PCBP3: variants seen among roughly 807,000 people sequenced by gnomAD.
The protein encoded by PCBP3 is poly(rC)-binding protein 3.
In PCBP3, 25 loss-of-function variants were observed where a neutral mutation model predicts 52.7. That is an observed-to-expected ratio of 0.47 (90% CI 0.35 to 0.66). PCBP3 has a LOEUF of 0.66. PCBP3 is among the 30% of genes least tolerant of loss of function. PCBP3 has a pLI of 0.01. For missense variants in PCBP3, 391 were observed against 490.3 expected (o/e 0.80, Z 1.91); for synonymous variants, 162 against 183.0 (o/e 0.89, Z 0.93).
intron 5 of PCBP3, among the ~76,000 whole-genome samples, chr21:45,889,488 C>T (rs906065560): frequency 6.6e-6 from 1 of 152,228 alleles, no homozygotes; most frequent in Non-Finnish European, 1.5e-5. Flanking sequence ...CCACCTTGGG[C>T]AGACAGCAAC....
At chr21:45,925,131 G>A (rs1455718074) in intron 13 of PCBP3, among the ~76,000 whole-genome samples, 11 of 122,456 alleles carry the variant, frequency 9.0e-5, no homozygotes, top group Admixed American at 3.2e-4. Flanking sequence ...ACGTAAGATC[G>A]GGTGTGCGTG....
At chr21:45,799,356 A>G (rs1388711497) in intron 4 of PCBP3, among the ~76,000 whole-genome samples, 1 of 152,218 alleles carries the variant, frequency 6.6e-6, no homozygotes, top group Non-Finnish European at 1.5e-5. Flanking sequence ...CCCATGGTAC[A>G]GTATAGTGAG....
intron 5 of PCBP3, among the ~76,000 whole-genome samples, chr21:45,852,431 CCCT>C: frequency 1.6e-5 from 1 of 62,134 alleles, no homozygotes; most frequent in African/African-American, 6.8e-5. Context: ...CCTGCAGCCA[CCCT>C]GACTTCTGTT....
In PCBP3 at chr21:45,718,897, G is replaced by C. The variant is rs570196301; in HGVS notation, c.-199-16495G>C. 3.3e-5 allele frequency among the ~76,000 whole-genome samples: 5 copies of C among 152,300 alleles called. No homozygotes were observed. In the South Asian group the frequency reaches 1.0e-3, roughly 32 times the overall value. On this transcript the variant is annotated intron_variant, in intron 2 of 17. Transcript: ENST00000681687. ...GATGAATGGCTTCTAAATGTCACAA[G>C]GGGATAAAAGCATAAGACTGGCCAA...
Position 45,899,627 on chromosome 21 carries a change from T to G in PCBP3, c.189+5T>G. On this transcript the variant is annotated splice_donor_5th_base_variant and intron_variant, in intron 7 of 17. Coordinates refer to ENST00000681687, the MANE Select transcript of PCBP3 (RefSeq NM_001384156.1). Reference sequence around the variant, plus strand: ...GTTGGAAGCATCATCGGGAAGGTAATTATTGATTGAATCTCTGCCTCTCCT... The same window carrying G: ...GTTGGAAGCATCATCGGGAAGGTAAGTATTGATTGAATCTCTGCCTCTCCT... 1 of 1,607,144 alleles carries G rather than the reference T, an allele frequency of 6.2e-7. No individual in the cohort carries two copies. Among genetic ancestry groups the G allele is most frequent in the African/African-American group, 1.3e-5 (1 of 74,842 alleles).
rs73376685 is a variant in PCBP3, at chr21:45,698,632, G to A, written c.-200+29680G>A. Among the ~76,000 whole-genome samples the A allele has an allele frequency of 4.9e-3, 749 of 152,372 alleles. 7 individuals are homozygous for A. The highest frequency in any genetic ancestry group is 0.017 in the African/African-American group (687 of 41,584). On this transcript the variant is annotated intron_variant, in intron 2 of 17. Coordinates refer to ENST00000681687, the MANE Select transcript of PCBP3 (RefSeq NM_001384156.1). ...TCCAGAAGAGCTCTTGGCCAGGAAT[G>A]TGGGAGCCAAAAGGCTGATTAGCTC...
At chr21:45,935,391 G>A in intron 16 of PCBP3, 86 bp downstream of exon 16, 1 of 942,210 alleles carries the variant, frequency 1.1e-6, no homozygotes, top group Non-Finnish European at 1.7e-6. Context: ...TTGGGCAGAG[G>A]GACCCACTGC....
At chr21:45,884,555 CGT>C (rs966106603) in intron 5 of PCBP3, among the ~76,000 whole-genome samples, 2 of 151,898 alleles carry the variant, frequency 1.3e-5, no homozygotes, top group South Asian at 4.2e-4. Flanking sequence ...ATATATGTCA[CGT>C]GTGTGTGCAT....
chr21:45,823,613 G>C (rs746171863), intron 4 of PCBP3, among the ~76,000 whole-genome samples: 47 of 152,190 alleles, frequency 3.1e-4, no homozygotes, highest in Non-Finnish European at 6.0e-4. Context: ...TCACCCAAAG[G>C]GGTGGCCGAC....
intron 4 of PCBP3, among the ~76,000 whole-genome samples, chr21:45,835,209 G>A (rs1157603417): frequency 1.3e-5 from 2 of 152,140 alleles, no homozygotes; most frequent in South Asian, 2.1e-4. Flanking sequence ...CCTGGGCCCC[G>A]GGGGCGGGGC....
chr21:45,671,905 G>A (rs748904276), intron 2 of PCBP3, among the ~76,000 whole-genome samples: 52 of 152,182 alleles, frequency 3.4e-4, no homozygotes, highest in Non-Finnish European at 5.9e-4. Flanking sequence ...CTGGGAGTGG[G>A]GGCAGGAGAA....
At chr21:45,661,619 G>C (rs552759718) in intron 1 of PCBP3, among the ~76,000 whole-genome samples, 1 of 152,286 alleles carries the variant, frequency 6.6e-6, no homozygotes, top group Admixed American at 6.5e-5. Flanking sequence ...TAACATACGA[G>C]TACAAGCATC....
Position 45,805,647 on chromosome 21 carries a change from A to G in PCBP3, c.-125-44314A>G, listed in dbSNP as rs907673736. ...TTGTGTCAACAGTTGGGGCAAGCAC[A>G]TTTTCACAGGGAGAGTGTGACTGGA... On this transcript the variant is annotated intron_variant, in intron 4 of 17. Coordinates refer to ENST00000681687, the MANE Select transcript of PCBP3 (RefSeq NM_001384156.1). The surrounding 1 kb of genome is among the most constrained non-coding windows in gnomAD (Gnocchi z 4.6). 1.3e-5 allele frequency among the ~76,000 whole-genome samples: 2 copies of G among 152,066 alleles called. No homozygotes were observed. The highest frequency in any genetic ancestry group is 6.5e-5 in the Admixed American group (1 of 15,270).
chr21:45,699,705 CAAGAG>C (rs1028070416), intron 2 of PCBP3, among the ~76,000 whole-genome samples: 14 of 152,310 alleles, frequency 9.2e-5, no homozygotes, highest in Admixed American at 3.9e-4. Context: ...TGGCAACAGA[CAAGAG>C]AAGAGAGCTT....
At chr21:45,915,147 A>T (rs1282298620) in intron 12 of PCBP3, 2 of 152,062 alleles carry the variant, frequency 1.3e-5, no homozygotes, top group Non-Finnish European at 2.9e-5. Flanking sequence ...GTGGTCAGGG[A>T]GCCCCCACAT....
At position 45,785,506 on chromosome 21, in the gene PCBP3, A is replaced by AG. The variant is rs1298006625; in HGVS notation, c.-126+30064dup. On this transcript the variant is annotated intron_variant, in intron 4 of 17. Coordinates refer to ENST00000681687, the MANE Select transcript of PCBP3 (RefSeq NM_001384156.1). ...CGCCTGGCCAGCCGCCCCGTCCGGG[A>AG]GGGGGGGGGGTCAGCCCCCCGCCCG... Among the ~76,000 whole-genome samples the AG allele has an allele frequency of 2.0e-3, 104 of 53,126 alleles. 6 individuals are homozygous for AG. Among genetic ancestry groups the AG allele is most frequent in the East Asian group, 0.015 (46 of 3,166 alleles). The allele number at this position is 53,126 out of a possible 152,430, so 34.9% of individuals were successfully genotyped here. A position where few individuals can be genotyped will look rare whatever the true frequency, so the allele number is the denominator to read the frequency against.
chr21:45,799,529 G>A (rs1450831623), intron 4 of PCBP3, among the ~76,000 whole-genome samples: 1 of 152,152 alleles, frequency 6.6e-6, no homozygotes, highest in Non-Finnish European at 1.5e-5. Flanking sequence ...ATGGTTCCAG[G>A]TAGCCACTGA....
chr21:45,850,090 G>C lies in PCBP3; in HGVS notation c.5G>C (p.Gly2Ala). 1 of 1,550,774 alleles carries C rather than the reference G, an allele frequency of 6.4e-7. No individual in the cohort carries two copies. The highest frequency in any genetic ancestry group is 8.7e-7 in the Non-Finnish European group (1 of 1,146,146). ...TCTAAACCTTATAGCCTGCTTATGGGGGAAGGTGAGTTACTGTCTTTTGTT... is the reference window on the plus strand; with the variant it reads ...TCTAAACCTTATAGCCTGCTTATGGCGGAAGGTGAGTTACTGTCTTTTGTT... MGEGDAFWAPSV... is the reference protein window; with the variant it reads MAEGDAFWAPSV... The change falls in exon 5 of 18, where the codon GGG (glycine) becomes GCG (alanine). Residue 2 changes from glycine to alanine, a missense_variant. Transcript: ENST00000681687.
intron 5 of PCBP3, chr21:45,893,658 GCCTGTCCCTTCTC>G: frequency 1.2e-6 from 1 of 804,442 alleles, no homozygotes; most frequent in Non-Finnish European, 1.5e-6. Context: ...GGATGACTGT[GCCTGTCCCTTCTC>G]CCTGTCCCAT....
Sources: gnomAD v4.1 joint callset for allele counts (sites outside exome capture counted in the v4.1 genomes callset) on GRCh38, gnomAD v4.1.1 for gene constraint, Gnocchi (gnomAD v3.1) non-coding constraint, MANE v1.5 for transcripts, NCBI Gene and HGNC (gene_info 2026-07-23, HGNC 2026-07-21) for gene names.